Variants in SBF2 observed in about 807,000 individuals in gnomAD.
The protein encoded by SBF2 is myotubularin-related protein 13.
A neutral mutation model predicts 225.2 loss-of-function variants in SBF2; 112 were observed. That is an observed-to-expected ratio of 0.50 (90% CI 0.43 to 0.58). The LOEUF is 0.58. Among genes scored for constraint, SBF2 ranks in the 20% least tolerant of loss-of-function variants. The pLI, the probability that SBF2 is intolerant of heterozygous loss-of-function variation, is 0.00. For synonymous variants in SBF2, 763 were observed against 773.3 expected (o/e 0.99, Z 0.22); for missense variants, 1,996 against 2,206.2 (o/e 0.90, Z 1.91).
intron 1 of SBF2, among the ~76,000 whole-genome samples, chr11:10,207,025 A>T (rs1206279191): frequency 6.6e-6 from 1 of 151,032 alleles, no homozygotes; most frequent in Non-Finnish European, 1.5e-5. Context: ...TAAACTCAAA[A>T]GAAATCTACA....
intron 2 of SBF2, among the ~76,000 whole-genome samples, chr11:10,179,263 G>A (rs1956618255): frequency 6.6e-6 from 1 of 151,532 alleles, no homozygotes; most frequent in Non-Finnish European, 1.5e-5. Flanking sequence ...GTTAGTGGGT[G>A]CAGCACACCA....
intron 1 of SBF2, among the ~76,000 whole-genome samples, chr11:10,242,457 T>C (rs1320591795): frequency 6.6e-6 from 1 of 151,952 alleles, no homozygotes; most frequent in African/African-American, 2.4e-5. Context: ...AAAATAACTA[T>C]AAAACGGACA....
At chr11:10,259,798 T>G (rs1389272188) in intron 1 of SBF2, among the ~76,000 whole-genome samples, 1 of 152,130 alleles carries the variant, frequency 6.6e-6, no homozygotes, top group Non-Finnish European at 1.5e-5. Flanking sequence ...AAAAATAATT[T>G]TTTATTTTGA....
At chr11:10,089,472 C>T (rs1330677269) in intron 2 of SBF2, among the ~76,000 whole-genome samples, 2 of 152,122 alleles carry the variant, frequency 1.3e-5, no homozygotes, top group East Asian at 3.9e-4. Flanking sequence ...AACTATTCAT[C>T]AAAATAGTAT....
At chr11:10,232,421 A>G (rs1469476386) in intron 1 of SBF2, among the ~76,000 whole-genome samples, 1 of 152,202 alleles carries the variant, frequency 6.6e-6, no homozygotes, top group Non-Finnish European at 1.5e-5. Context: ...TGTAGACTGG[A>G]GCTGTTCCTA....
rs770325589 is a variant in SBF2, at chr11:9,963,858, G to A, written c.1625C>T (p.Thr542Ile). ...PVVSIMDKVT[T>I]VFNSAQRLEV... ...TAGTCTTTGTGCACTGTTGAAAACT[G>A]TCGTCACCTTGTCCATTATCGAAAC... Residue 542 changes from threonine to isoleucine, a missense_variant, in exon 15 of 40, where the codon ACA becomes ATA. Thr to Ile is a moderately conservative substitution (Grantham distance 89). Transcript: ENST00000256190. 1.9e-6 allele frequency: 3 copies of A among 1,604,360 alleles called. No homozygotes were observed. Among genetic ancestry groups the A allele is most frequent in the Non-Finnish European group, 2.6e-6 (3 of 1,171,628 alleles).
intron 2 of SBF2, among the ~76,000 whole-genome samples, chr11:10,177,516 A>G (rs936128201): frequency 1.2e-4 from 18 of 150,122 alleles, no homozygotes; most frequent in African/African-American, 4.2e-4. Context: ...AAATCAATGT[A>G]CAAAAATCAC....
chr11:9,908,650 T>C (rs1460963653), intron 16 of SBF2, among the ~76,000 whole-genome samples: 1 of 151,276 alleles, frequency 6.6e-6, no homozygotes, highest in African/African-American at 2.4e-5. Flanking sequence ...CTTATCTTTA[T>C]TTAAATTTTT....
intron 1 of SBF2, among the ~76,000 whole-genome samples, chr11:10,260,226 GACTATTACTC>G (rs1353382755): frequency 4.6e-5 from 7 of 152,160 alleles, no homozygotes; most frequent in Non-Finnish European, 7.4e-5. Context: ...ATTTCAATAA[GACTATTACTC>G]ATCTTTCATA....
At chr11:10,074,326 T>C (rs1208886702) in intron 2 of SBF2, among the ~76,000 whole-genome samples, 1 of 152,156 alleles carries the variant, frequency 6.6e-6, no homozygotes, top group Admixed American at 6.6e-5. Context: ...TGATAAATAA[T>C]AAATACCAAA....
intron 1 of SBF2, among the ~76,000 whole-genome samples, chr11:10,252,318 AT>A (rs1960433055): frequency 6.6e-6 from 1 of 152,272 alleles, no homozygotes. Flanking sequence ...CAAACCAAAT[AT>A]GGCCTGAGAA....
At position 9,781,507 on chromosome 11, in the gene SBF2, A is replaced by G. The variant is rs1852005325; in HGVS notation, c.5451T>C (p.Asp1817=). ...PKHTSDKAFF[D]LKTSKRVYNF... ...GAAAAGAGAAGTAAGATCAACTTAC[A>G]TCAAAGAAAGCCTTGTCACTTGTGT... Residue 1817 remains aspartate (D), a splice_region_variant and synonymous_variant, in exon 39 of 40, where the codon GAT becomes GAC. Transcript: ENST00000256190. The G allele has an allele frequency of 1.2e-6, 2 of 1,614,222 alleles. No homozygotes were observed. Among genetic ancestry groups the G allele is most frequent in the South Asian group, 1.1e-5 (1 of 91,090 alleles).
chr11:10,172,304 A>T (rs576017021), intron 2 of SBF2, among the ~76,000 whole-genome samples: 1 of 152,062 alleles, frequency 6.6e-6, no homozygotes, highest in South Asian at 2.1e-4. Context: ...TGTTTTCACT[A>T]TATTCCATAG....
At chr11:9,920,326 C>T (rs1368381494) in intron 16 of SBF2, among the ~76,000 whole-genome samples, 1 of 151,884 alleles carries the variant, frequency 6.6e-6, no homozygotes, top group Non-Finnish European at 1.5e-5. Context: ...AGTTGTATAA[C>T]TGAGCTTTGG....
intron 33 of SBF2, 75 bp from the exon 34 acceptor site, chr11:9,790,758 G>T: frequency 8.6e-7 from 1 of 1,162,596 alleles, no homozygotes; most frequent in Non-Finnish European, 1.3e-6. Context: ...GATGCATGCA[G>T]CAGATAAAAA....
At chr11:9,859,790 A>G (rs180718000) in intron 17 of SBF2, among the ~76,000 whole-genome samples, 9 of 152,350 alleles carry the variant, frequency 5.9e-5, no homozygotes, top group Admixed American at 5.9e-4. Flanking sequence ...GCATACCACG[A>G]AATGTAGTAC....
chr11:10,121,354 C>A (rs1953438922), intron 2 of SBF2, among the ~76,000 whole-genome samples: 2 of 152,176 alleles, frequency 1.3e-5, no homozygotes, highest in Admixed American at 1.3e-4. Flanking sequence ...TCTCCTTTTT[C>A]TATATTCTTT....
chr11:9,900,833 C>T (rs890473253), intron 16 of SBF2, among the ~76,000 whole-genome samples: 1 of 152,140 alleles, frequency 6.6e-6, no homozygotes, highest in Admixed American at 6.5e-5. Context: ...AACTCCTGGG[C>T]TCAAGCGATC....
rs981673174 is a variant in SBF2, at chr11:9,780,824, T to C, written c.5452-308A>G. Reference sequence around the variant, plus strand: ...AGCAATGAATGGTGCCTTTAACCTTTCCCATGCACTGCACCAATGCACTGA... The same window carrying C: ...AGCAATGAATGGTGCCTTTAACCTTCCCCATGCACTGCACCAATGCACTGA... On this transcript the variant is annotated intron_variant, in intron 39 of 39. Transcript: ENST00000256190. 12 of 387,570 alleles carry C rather than the reference T, an allele frequency of 3.1e-5. 1 individual carries two copies. The highest frequency in any genetic ancestry group is 8.5e-4 in the Middle Eastern group (1 of 1,180). 24.0% of individuals were successfully genotyped at this position (387,570 alleles called of 1,614,324 possible).
Sources: allele counts gnomAD v4.1 joint callset (sites outside exome capture counted in the v4.1 genomes callset), GRCh38; gene constraint gnomAD v4.1.1; transcripts MANE v1.5; gene names NCBI Gene and HGNC (gene_info 2026-07-23, HGNC 2026-07-21).